CDCA2: variants seen among roughly 807,000 people sequenced by gnomAD.
CDCA2 encodes cell division cycle associated 2.
Under a neutral mutation model 67.0 loss-of-function variants are expected in CDCA2, and 44 were observed. That is an observed-to-expected ratio of 0.66 (90% confidence interval 0.52 to 0.84). The LOEUF (loss-of-function observed/expected upper bound fraction) is 0.84. Among genes scored for constraint, CDCA2 ranks in the 40% least tolerant of loss-of-function variants. CDCA2 has a pLI of 0.00. For missense variants in CDCA2, 1,253 were observed against 1,203.2 expected (o/e 1.04, Z -0.61); for synonymous variants, 447 against 418.7 (o/e 1.07, Z -0.82).
chr8:25,488,681 A>G lies in CDCA2; in HGVS notation c.1663A>G (p.Lys555Glu). ...GTGTACAAAGAGAGCACTTCCTAAGAAGAGTCAGGTAAGCATGTGTTTAAA... is the reference window on the plus strand; with the variant it reads ...GTGTACAAAGAGAGCACTTCCTAAGGAGAGTCAGGTAAGCATGTGTTTAAA... ...TKCTKRALPK[K>E]SQVLKSCRKK... is the part of the protein sequence containing the mutation. The change falls in exon 13 of 15, where the codon AAG (lysine) becomes GAG (glutamate). Residue 555 changes from lysine (K) to glutamate (E), a missense_variant. Lys to Glu is a moderately conservative substitution (Grantham distance 56, BLOSUM62 1). Transcript: ENST00000330560. 6.2e-7 allele frequency: 1 copy of G among 1,605,608 alleles called. No individual in the cohort carries two copies. Among genetic ancestry groups the G allele is most frequent in the Non-Finnish European group, 8.5e-7 (1 of 1,177,242 alleles).
Position 25,484,075 on chromosome 8 carries a change from A to G in CDCA2, c.1230A>G (p.Ala410=). The change falls in exon 10 of 15, where the codon GCA becomes GCG. Residue 410 remains alanine (A), a synonymous_variant. Coordinates refer to ENST00000330560, the MANE Select transcript of CDCA2 (RefSeq NM_152562.4). ...AAGTGTTTGATGAATCTTTGCCAGC[A>G]AATACTCCATTGCGTAAAGGAGGAA... is the stretch of plus-strand genomic sequence containing the variant. ...SPEVFDESLP[A]NTPLRKGGTP... 1 of 1,614,212 alleles carries G rather than the reference A, an allele frequency of 6.2e-7. No individual in the cohort carries two copies. The highest frequency in any genetic ancestry group is 8.5e-7 in the Non-Finnish European group (1 of 1,180,040).
rs376009989 is a variant in CDCA2, at chr8:25,469,917, A to G, written c.757A>G (p.Thr253Ala). 13 of 1,611,250 alleles carry G rather than the reference A, an allele frequency of 8.1e-6. No individual in the cohort carries two copies. Among genetic ancestry groups the G allele is most frequent in the African/African-American group, 2.7e-5 (2 of 74,898 alleles). The change falls in exon 7 of 15, where the codon ACA (threonine) becomes GCA (alanine). Residue 253 changes from threonine (T) to alanine (A), a missense_variant. Physicochemically the swap from Thr to Ala is moderately conservative, Grantham distance 58. Transcript: ENST00000330560. ...LSEISSKLGSTQSGFLVEESL... is the reference protein window; with the variant it reads ...LSEISSKLGSAQSGFLVEESL... ...CAAGATATCATCTAAACTTGGTTCA[A>G]CACAGTCTGGATTTTTAGTTGAAGA...
intron 12 of CDCA2, among the ~76,000 whole-genome samples, chr8:25,487,798 T>TATAAGATAAAA (rs1803842561): frequency 6.6e-6 from 1 of 152,198 alleles, no homozygotes; most frequent in Non-Finnish European, 1.5e-5. Context: ...GATAGTGTGT[T>TATAAGATAAAA]TCTGATTTGA....
At chr8:25,474,482 T>C (rs1403611859) in intron 7 of CDCA2, among the ~76,000 whole-genome samples, 1 of 152,216 alleles carries the variant, frequency 6.6e-6, no homozygotes, top group Non-Finnish European at 1.5e-5. Flanking sequence ...TTTGAGATTT[T>C]CTATTGGTTC....
chr8:25,505,877 T>A (rs2117558724), intron 14 of CDCA2, among the ~76,000 whole-genome samples: 1 of 152,264 alleles, frequency 6.6e-6, no homozygotes, highest in Non-Finnish European at 1.5e-5. Flanking sequence ...CAGAAATACA[T>A]GAAAGCCTAC....
intron 7 of CDCA2, among the ~76,000 whole-genome samples, chr8:25,476,152 T>C (rs1366822878): frequency 1.3e-5 from 2 of 152,236 alleles, no homozygotes; most frequent in Non-Finnish European, 1.5e-5. Flanking sequence ...ATATTCAGAA[T>C]GTTATTTTTG....
At chr8:25,459,704 C>T (rs1256179275) in intron 1 of CDCA2, among the ~76,000 whole-genome samples, 1 of 152,140 alleles carries the variant, frequency 6.6e-6, no homozygotes, top group Non-Finnish European at 1.5e-5. Flanking sequence ...ATGGCTTATC[C>T]TTTGGGGTCT....
intron 13 of CDCA2, among the ~76,000 whole-genome samples, chr8:25,495,421 C>CAT (rs113105366): frequency 2.0e-5 from 3 of 148,120 alleles, no homozygotes; most frequent in African/African-American, 5.0e-5. Context: ...TGGGATAAAT[C>CAT]TTTTTTTTTT....
chr8:25,495,021 G>A (rs1444994802), intron 13 of CDCA2, among the ~76,000 whole-genome samples: 4 of 152,208 alleles, frequency 2.6e-5, no homozygotes, highest in African/African-American at 9.7e-5. Context: ...ATTAGTTTCT[G>A]TTGTTTGAAC....
In CDCA2 at chr8:25,462,095, G is replaced by A. The variant is rs757295556; in HGVS notation, c.274G>A (p.Ala92Thr). 1.9e-6 allele frequency: 3 copies of A among 1,614,172 alleles called. No homozygotes were observed. The highest frequency in any genetic ancestry group is 2.2e-5 in the East Asian group (1 of 44,882). ...SYLKKCRRRS[A>T]VGARGSPETN... The stretch of plus-strand genomic sequence containing the variant: ...CCTTAAAAAATGTAGACGACGTTCT[G>A]CAGTCGGTGCTCGGGGCTCTCCTGA... Residue 92 changes from alanine (A) to threonine (T), a missense_variant, in exon 4 of 15, where the codon GCA becomes ACA. Physicochemically the swap from Ala to Thr is moderately conservative, Grantham distance 58. Coordinates refer to ENST00000330560, the MANE Select transcript of CDCA2 (RefSeq NM_152562.4).
intron 13 of CDCA2, among the ~76,000 whole-genome samples, chr8:25,499,774 C>T (rs1417252666): frequency 6.6e-6 from 1 of 152,112 alleles, no homozygotes; most frequent in East Asian, 1.9e-4. Context: ...AGGGACAATC[C>T]CTTCAGTTGT....
chr8:25,459,467 G>C lies in CDCA2; in HGVS notation c.-7G>C, dbSNP rs1316084203. 1 of 152,404 alleles carries C rather than the reference G, an allele frequency of 6.6e-6. No individual in the cohort carries two copies. Among genetic ancestry groups the C allele is most frequent in the Non-Finnish European group, 1.5e-5 (1 of 68,206 alleles). 9.4% of individuals were successfully genotyped at this position (152,404 alleles called of 1,614,324 possible). A position where few individuals can be genotyped will look rare whatever the true frequency, so the allele number is the denominator to read the frequency against. On this transcript the variant is annotated 5_prime_UTR_variant, in exon 1 of 15. Transcript: ENST00000330560. ...TGCCTGGCGGGCCTTCAGGTGCGGC[G>C]TGAGAGGTAGGATTGCATCCGCGCT...
intron 7 of CDCA2, among the ~76,000 whole-genome samples, chr8:25,471,946 A>G (rs1414714832): frequency 6.6e-6 from 1 of 152,192 alleles, no homozygotes; most frequent in Non-Finnish European, 1.5e-5. Flanking sequence ...TGTATTTTAA[A>G]CTGCGTTGTT....
chr8:25,487,306 G>C lies in CDCA2; in HGVS notation c.1505G>C (p.Arg502Thr), dbSNP rs757233093. The change falls in exon 12 of 15, where the codon AGA becomes ACA. Residue 502 changes from arginine to threonine, a missense_variant. Coordinates refer to ENST00000330560, the MANE Select transcript of CDCA2 (RefSeq NM_152562.4). ...HEKISSPKVG[R>T]ITRTSNRRNQ... ...AAAATATCCTCTCCTAAAGTTGGTA[G>C]AATAACAAGGACTTCTAACAGAAGA... is the stretch of plus-strand genomic sequence containing the variant. 3 of 1,606,760 alleles carry C rather than the reference G, an allele frequency of 1.9e-6. No individual in the cohort carries two copies. The highest frequency in any genetic ancestry group is 2.6e-6 in the Non-Finnish European group (3 of 1,174,176).
chr8:25,471,445 C>T (rs1803151816), intron 7 of CDCA2, among the ~76,000 whole-genome samples: 1 of 152,130 alleles, frequency 6.6e-6, no homozygotes, highest in South Asian at 2.1e-4. Context: ...TTACTGCAAC[C>T]TCTGCCTCCT....
intron 7 of CDCA2, among the ~76,000 whole-genome samples, chr8:25,473,436 C>A (rs775423690): frequency 1.3e-5 from 2 of 152,008 alleles, no homozygotes; most frequent in Non-Finnish European, 2.9e-5. Context: ...TATTTTTCAT[C>A]TTTTTTCATT....
At chr8:25,471,839 C>A (rs1803165943) in intron 7 of CDCA2, among the ~76,000 whole-genome samples, 2 of 152,172 alleles carry the variant, frequency 1.3e-5, no homozygotes, top group South Asian at 4.1e-4. Flanking sequence ...TTTAGGCATG[C>A]CATGAGGCCG....
chr8:25,498,551 C>G (rs540884775), intron 13 of CDCA2, among the ~76,000 whole-genome samples: 1 of 143,928 alleles, frequency 6.9e-6, no homozygotes, highest in African/African-American at 2.5e-5. Context: ...ATTTTGGATA[C>G]ACACACTCTT....
intron 4 of CDCA2, 23 bp downstream of exon 4, chr8:25,462,231 G>A: frequency 6.2e-7 from 1 of 1,610,394 alleles, no homozygotes. Flanking sequence ...TCTAAGTTCT[G>A]TCGTGAATTC....
Sources: gnomAD v4.1 joint callset for allele counts (sites outside exome capture counted in the v4.1 genomes callset) on GRCh38, gnomAD v4.1.1 for gene constraint, MANE v1.5 for transcripts, NCBI Gene and HGNC (gene_info 2026-07-23, HGNC 2026-07-21) for gene names.